The following DMD variants were observed in gnomAD, a reference collection of about 807,000 sequenced individuals.
The protein encoded by DMD is dystrophin.
A neutral mutation model predicts 330.1 loss-of-function variants in DMD; 63 were observed. That is an observed-to-expected ratio of 0.19 (90% CI 0.16 to 0.24). The LOEUF (loss-of-function observed/expected upper bound fraction) is 0.24, where lower values mean the gene tolerates loss of function less well. DMD is among the 10% of genes least tolerant of loss of function. The pLI is 1.00. For synonymous variants in DMD, 1,223 were observed against 959.8 expected (o/e 1.27, Z -5.07); for missense variants, 3,344 against 2,684.1 (o/e 1.25, Z -5.43).
chrX:31,776,903 T>C (rs767252775), intron 50 of DMD, among the ~76,000 whole-genome samples: 181 of 112,027 alleles, frequency 1.6e-3, no homozygotes, highest in Non-Finnish European at 3.0e-3. Context: ...ATCTCATCTA[T>C]AGACCCGTCA....
chrX:32,411,784 C>T lies in DMD; in HGVS notation c.4201G>A (p.Val1401Met), dbSNP rs139318945. The change falls in exon 30 of 79, where the codon GTG becomes ATG. Residue 1401 changes from valine to methionine, a missense_variant. Physicochemically the swap from Val to Met is conservative, Grantham distance 21 (BLOSUM62 1). Transcript: ENST00000357033. ...KQLAAYIADK[V>M]DAAQMPQEAQ... is the part of the protein sequence containing the mutation. ...TCCTGAGGCATTTGAGCTGCGTCCACCTTGTCTGCAATATAAGCTGCCAAC... is the reference window on the plus strand; with the variant it reads ...TCCTGAGGCATTTGAGCTGCGTCCATCTTGTCTGCAATATAAGCTGCCAAC... 1.5e-5 allele frequency: 18 copies of T among 1,209,502 alleles called. No homozygotes were observed. The Middle Eastern group carries it at 9.1e-4, about 61-fold the overall frequency.
chrX:32,643,670 C>A (rs1305392411), intron 11 of DMD, among the ~76,000 whole-genome samples: 1 of 110,897 alleles, frequency 9.0e-6, no homozygotes, highest in Non-Finnish European at 1.9e-5. Context: ...TAAGAATTTC[C>A]CAAAACGTTT....
At chrX:33,080,170 T>G (rs1349494408) in intron 1 of DMD, among the ~76,000 whole-genome samples, 1 of 112,376 alleles carries the variant, frequency 8.9e-6, no homozygotes, top group Non-Finnish European at 1.9e-5. Context: ...GACCCTGTTA[T>G]TTGGACACAT....
intron 44 of DMD, among the ~76,000 whole-genome samples, chrX:32,060,931 C>A (rs1186978836): frequency 1.8e-5 from 2 of 111,390 alleles, no homozygotes; most frequent in African/African-American, 6.5e-5. Context: ...GGACAACTCA[C>A]TTAGCCTCTC....
intron 60 of DMD, among the ~76,000 whole-genome samples, chrX:31,382,858 C>A (rs956651919): frequency 9.0e-6 from 1 of 110,783 alleles, no homozygotes; most frequent in Non-Finnish European, 1.9e-5. Context: ...AAATTTTCGC[C>A]GCCCCAACAC....
Position 32,362,823 on chromosome X carries a change from A to G in DMD, c.5290T>C (p.Phe1764Leu). The G allele has an allele frequency of 8.3e-7, 1 of 1,210,762 alleles. No homozygotes were observed. The highest frequency in any genetic ancestry group is 1.1e-6 in the Non-Finnish European group (1 of 895,320). Residue 1764 changes from phenylalanine to leucine, a missense_variant, in exon 37 of 79, where the codon TTT (phenylalanine) becomes CTT (leucine). Phe to Leu is a conservative substitution (Grantham distance 22). Coordinates refer to ENST00000357033, the MANE Select transcript of DMD (RefSeq NM_004006.3). ...EPQISELNHR[F>L]AAISHRIKTG... The stretch of plus-strand genomic sequence containing the variant: ...TTAATTCTGTGTGAAATGGCTGCAA[A>G]TCGATGGTTGAGCTCTGAGATTTGG...
intron 60 of DMD, among the ~76,000 whole-genome samples, chrX:31,376,487 G>C (rs1392421558): frequency 8.9e-6 from 1 of 111,886 alleles, no homozygotes; most frequent in Admixed American, 9.5e-5. Context: ...CTTTAAAGTG[G>C]TTGGGGAGTT....
intron 9 of DMD, among the ~76,000 whole-genome samples, chrX:32,673,326 T>C (rs191928403): frequency 4.8e-4 from 54 of 111,344 alleles, no homozygotes; most frequent in Non-Finnish European, 8.5e-4. Flanking sequence ...GCCTTACGAG[T>C]ACCAACACTA....
At chrX:32,572,686 G>T (rs2052563676) in intron 15 of DMD, among the ~76,000 whole-genome samples, 1 of 109,880 alleles carries the variant, frequency 9.1e-6, no homozygotes, top group Non-Finnish European at 1.9e-5. Context: ...AATGTCATTT[G>T]ATAGGCTTTA....
chrX:32,691,907 T>A (rs2063309150), intron 9 of DMD, among the ~76,000 whole-genome samples: 1 of 111,620 alleles, frequency 9.0e-6, no homozygotes, highest in African/African-American at 3.3e-5. Context: ...GACAGTCACA[T>A]AAGGACAAAC....
intron 45 of DMD, among the ~76,000 whole-genome samples, chrX:31,952,437 T>C (rs1184485861): frequency 3.0e-5 from 3 of 98,617 alleles, no homozygotes; most frequent in African/African-American, 1.2e-4. Flanking sequence ...TTATCTATTT[T>C]CAAATTTACT....
At chrX:33,225,209 G>A (rs190246972) in intron 1 of DMD, among the ~76,000 whole-genome samples, 69 of 111,475 alleles carry the variant, frequency 6.2e-4, no homozygotes, top group Middle Eastern at 4.7e-3. Flanking sequence ...ATGTGAAAAG[G>A]CACTCTAAAA....
chrX:33,222,800 A>G (rs1299714561), intron 1 of DMD, among the ~76,000 whole-genome samples: 1 of 111,865 alleles, frequency 8.9e-6, no homozygotes, highest in Non-Finnish European at 1.9e-5. Context: ...TACCATATCT[A>G]TATGAGGAAA....
rs764052734 is a variant in DMD, at chrX:31,147,534, A to C, written c.10554-16T>G. On this transcript the variant is annotated splice_polypyrimidine_tract_variant and intron_variant, in intron 74 of 78. Transcript: ENST00000357033. ...TTGCAGATTCCTATTGGCATCAAAAAAGTAAAAAAGAAAAAAAAAGAAAGA... is the reference window on the plus strand; with the variant it reads ...TTGCAGATTCCTATTGGCATCAAAACAGTAAAAAAGAAAAAAAAAGAAAGA... The C allele has an allele frequency of 9.2e-7, 1 of 1,089,249 alleles. No homozygotes were observed. Among genetic ancestry groups the C allele is most frequent in the Non-Finnish European group, 1.2e-6 (1 of 820,227 alleles). The allele number at this position is 1,089,249 out of a possible 1,213,427, so 89.8% of individuals were successfully genotyped here.
At chrX:32,032,717 G>C (rs1056077569) in intron 44 of DMD, among the ~76,000 whole-genome samples, 20 of 112,050 alleles carry the variant, frequency 1.8e-4, no homozygotes, top group African/African-American at 5.8e-4. Context: ...GAGTCTGTAG[G>C]ACCAAGCCAA....
At chrX:32,563,956 A>C (rs767511150) in intron 16 of DMD, among the ~76,000 whole-genome samples, 1 of 111,357 alleles carries the variant, frequency 9.0e-6, no homozygotes, top group Non-Finnish European at 1.9e-5. Flanking sequence ...TTATTTCATC[A>C]CCCAGGTATT....
At chrX:31,565,646 C>G (rs1467254315) in intron 55 of DMD, among the ~76,000 whole-genome samples, 1 of 111,381 alleles carries the variant, frequency 9.0e-6, no homozygotes, top group Non-Finnish European at 1.9e-5. Flanking sequence ...AGTGCAATTG[C>G]TGGGTTGTAT....
intron 55 of DMD, among the ~76,000 whole-genome samples, chrX:31,513,549 A>G (rs1393638394): frequency 8.9e-6 from 1 of 111,876 alleles, no homozygotes. Context: ...AAATTTTTGG[A>G]TAGTTTTATT....
At chrX:32,905,666 T>C (rs1306589331) in intron 2 of DMD, among the ~76,000 whole-genome samples, 1 of 112,040 alleles carries the variant, frequency 8.9e-6, no homozygotes, top group East Asian at 2.8e-4. Flanking sequence ...GTTTAGACCA[T>C]ATTCATTTGG....
Sources: gnomAD v4.1 joint callset for allele counts (sites outside exome capture counted in the v4.1 genomes callset) on GRCh38, gnomAD v4.1.1 for gene constraint, MANE v1.5 for transcripts, NCBI Gene and HGNC (gene_info 2026-07-23, HGNC 2026-07-21) for gene names.